The following JARID2 variants were observed in gnomAD, a reference collection of about 807,000 sequenced individuals.
The protein encoded by JARID2 is jumonji and AT-rich interaction domain containing 2, also known as protein Jumonji.
In JARID2, 21 loss-of-function variants were observed where a neutral mutation model predicts 125.6. The ratio of observed to expected loss-of-function variants is 0.17; its 90% CI spans 0.12 to 0.24. The LOEUF (loss-of-function observed/expected upper bound fraction) is 0.24, where lower values mean the gene tolerates loss of function less well. JARID2 is among the 10% of genes least tolerant of loss of function. JARID2 has a pLI of 1.00. For missense variants in JARID2, 1,303 were observed against 1,639.6 expected (o/e 0.79, Z 3.55); for synonymous variants, 736 against 661.6 (o/e 1.11, Z -1.73).
At chr6:15,439,190 T>C (rs1443932044) in intron 3 of JARID2, among the ~76,000 whole-genome samples, 1 of 152,128 alleles carries the variant, frequency 6.6e-6, no homozygotes, top group Non-Finnish European at 1.5e-5. Flanking sequence ...GGTTTGAGGT[T>C]GGGGTAAAAG....
chr6:15,267,658 CG>C (rs1427657265), intron 1 of JARID2, among the ~76,000 whole-genome samples: 1 of 152,052 alleles, frequency 6.6e-6, no homozygotes, highest in Non-Finnish European at 1.5e-5. Flanking sequence ...TTCAGAAGTC[CG>C]GTGTGACGCG....
intron 8 of JARID2, among the ~76,000 whole-genome samples, chr6:15,503,884 T>G (rs1462836417): frequency 6.6e-6 from 1 of 151,988 alleles, no homozygotes. Flanking sequence ...ATTCTGGAAG[T>G]TATTGGGAAC....
chr6:15,456,878 CTTTTTT>C (rs71535043), intron 4 of JARID2, among the ~76,000 whole-genome samples: 2 of 95,672 alleles, frequency 2.1e-5, no homozygotes, highest in East Asian at 3.6e-4. Flanking sequence ...GGATGTTAAG[CTTTTTT>C]TTTTTTTTTT....
intron 2 of JARID2, among the ~76,000 whole-genome samples, chr6:15,397,117 T>C (rs1330776618): frequency 6.6e-6 from 1 of 152,224 alleles, no homozygotes; most frequent in East Asian, 1.9e-4. Flanking sequence ...TATTAACTTT[T>C]ATTTAAATAA....
chr6:15,475,918 A>G (rs1769320099), intron 5 of JARID2, among the ~76,000 whole-genome samples: 1 of 152,200 alleles, frequency 6.6e-6, no homozygotes, highest in South Asian at 2.1e-4. Context: ...GGGTGAGGGC[A>G]TCACGATTGT....
chr6:15,285,269 C>G (rs1760953471), intron 1 of JARID2, among the ~76,000 whole-genome samples: 5 of 151,908 alleles, frequency 3.3e-5, no homozygotes, highest in African/African-American at 1.2e-4. Context: ...TGCCACCACG[C>G]CCAGCTAATT....
intron 14 of JARID2, 61 bp downstream of exon 14, chr6:15,512,451 A>AGCGCACACAGAAGCATCCCTGCGTGT: frequency 6.7e-7 from 1 of 1,495,712 alleles, no homozygotes; most frequent in South Asian, 1.1e-5. Flanking sequence ...GCCGTGCGTG[A>AGCGCACACAGAAGCATCCCTGCGTGT]GCGCACACAG....
At chr6:15,392,073 T>C (rs1292805361) in intron 2 of JARID2, among the ~76,000 whole-genome samples, 7 of 54,208 alleles carry the variant, frequency 1.3e-4, no homozygotes, top group Non-Finnish European at 2.6e-4. Context: ...TGTGTGTGTG[T>C]GTGTGCGTGT....
rs375491069 is a variant in JARID2, at chr6:15,513,221, G to A, written c.3267-18G>A. 2.1e-5 allele frequency: 32 copies of A among 1,551,346 alleles called. No individual in the cohort carries two copies. Among genetic ancestry groups the A allele is most frequent in the East Asian group, 1.2e-4 (5 of 42,496 alleles). ...CAGGCCGTCACTAAAGGTGCGGGCC[G>A]TCTCCCGTGTCTGGCAGGGATACAG... On this transcript the variant is annotated intron_variant, in intron 15 of 17. Transcript: ENST00000341776.
intron 1 of JARID2, among the ~76,000 whole-genome samples, chr6:15,348,241 G>A (rs530358878): frequency 2.6e-5 from 4 of 151,694 alleles, no homozygotes; most frequent in Non-Finnish European, 5.9e-5. Context: ...ACAGCCGCCC[G>A]CCACCACACC....
At chr6:15,313,445 A>G (rs1031304181) in intron 1 of JARID2, among the ~76,000 whole-genome samples, 1 of 152,206 alleles carries the variant, frequency 6.6e-6, no homozygotes, top group Non-Finnish European at 1.5e-5. Flanking sequence ...CAGTACAGAC[A>G]GGGTCTTGCA....
intron 1 of JARID2, among the ~76,000 whole-genome samples, chr6:15,304,858 G>A (rs1217911458): frequency 1.3e-5 from 2 of 152,176 alleles, no homozygotes; most frequent in African/African-American, 2.4e-5. Context: ...CAAGGTTGAG[G>A]TGGTGCATCT....
At chr6:15,385,653 C>T (rs181613467) in intron 2 of JARID2, among the ~76,000 whole-genome samples, 9 of 152,086 alleles carry the variant, frequency 5.9e-5, no homozygotes, top group East Asian at 1.9e-4. Context: ...CTGGGATCTC[C>T]GAAGTCTGTG....
intron 2 of JARID2, among the ~76,000 whole-genome samples, chr6:15,393,389 C>G (rs1738406513): frequency 6.6e-6 from 1 of 152,212 alleles, no homozygotes; most frequent in Non-Finnish European, 1.5e-5. Flanking sequence ...TCCCTTAGCT[C>G]CACGTAAATA....
intron 3 of JARID2, among the ~76,000 whole-genome samples, chr6:15,411,988 T>G (rs536688632): frequency 3.3e-5 from 5 of 152,226 alleles, no homozygotes; most frequent in Non-Finnish European, 7.3e-5. Flanking sequence ...GGGACCACAG[T>G]GTCATGTGGC....
intron 2 of JARID2, among the ~76,000 whole-genome samples, chr6:15,396,369 G>C (rs562616919): frequency 6.6e-6 from 1 of 152,282 alleles, no homozygotes; most frequent in South Asian, 2.1e-4. Flanking sequence ...AGGAAACTGA[G>C]GCAGAAGTCT....
chr6:15,258,066 C>T (rs1490556158), intron 1 of JARID2, among the ~76,000 whole-genome samples: 2 of 152,114 alleles, frequency 1.3e-5, no homozygotes, highest in Non-Finnish European at 2.9e-5. Flanking sequence ...TAAAGATGAC[C>T]CCCAATCACA....
chr6:15,460,774 G>A lies in JARID2; in HGVS notation c.494-7768G>A, dbSNP rs1367692174. On this transcript the variant is annotated intron_variant, in intron 4 of 17. Coordinates refer to ENST00000341776, the MANE Select transcript of JARID2 (RefSeq NM_004973.4). ...GGCTGGAGTGCAGTGGCGTGATCTC[G>A]GCTCACTGCAACCTCCGCCTCCCAT... 3.9e-5 allele frequency among the ~76,000 whole-genome samples: 6 copies of A among 152,204 alleles called. No individual in the cohort carries two copies. In the South Asian group the frequency reaches 6.2e-4, roughly 16 times the overall value.
intron 6 of JARID2, among the ~76,000 whole-genome samples, chr6:15,493,815 A>G (rs950912698): frequency 3.3e-5 from 5 of 152,258 alleles, no homozygotes; most frequent in African/African-American, 1.2e-4. Context: ...TGCATTCCTC[A>G]CTATACCTCC....
Sources: gnomAD v4.1 joint callset for allele counts (sites outside exome capture counted in the v4.1 genomes callset) on GRCh38, gnomAD v4.1.1 for gene constraint, MANE v1.5 for transcripts, NCBI Gene and HGNC (gene_info 2026-07-23, HGNC 2026-07-21) for gene names.